Variants in OR5A2 observed in about 807,000 individuals in gnomAD.
OR5A2 encodes olfactory receptor 5A2.
For synonymous variants in OR5A2, 155 were observed against 151.1 expected (o/e 1.03, Z -0.19); for missense variants, 406 against 398.9 (o/e 1.02, Z -0.15).
At position 59,422,247 on chromosome 11, in the gene OR5A2, G is replaced by T. The variant is rs889614588; in HGVS notation, c.707C>A (p.Thr236Lys). Residue 236 changes from threonine to lysine, a missense_variant, in exon 2 of 2, where the codon ACA (threonine) becomes AAA (lysine). Physicochemically the swap from Thr to Lys is moderately conservative, Grantham distance 78. Coordinates refer to ENST00000302040, the MANE Select transcript of OR5A2 (RefSeq NM_001001954.2). ...AGAGGCACAAGTGCTGAAGGCCTTT[G>T]TCCTACCTGTAGCTGAGCTGATCTT... Reference protein sequence around the residue: ...VVKISSATGRTKAFSTCASHL... With the variant: ...VVKISSATGRKKAFSTCASHL... The T allele has an allele frequency of 5.0e-6, 8 of 1,614,012 alleles. No homozygotes were observed. The highest frequency in any genetic ancestry group is 1.3e-5 in the African/African-American group (1 of 74,908).
In OR5A2 at chr11:59,422,684, C is replaced by T; in HGVS notation, c.270G>A (p.Gln90=). The T allele has an allele frequency of 1.2e-6, 2 of 1,614,156 alleles. No individual in the cohort carries two copies. The highest frequency in any genetic ancestry group is 1.7e-6 in the Non-Finnish European group (2 of 1,180,014). The change falls in exon 2 of 2, where the codon CAG becomes CAA. Residue 90 remains glutamine (Q), a synonymous_variant. Coordinates refer to ENST00000302040, the MANE Select transcript of OR5A2 (RefSeq NM_001001954.2). ...CACAGCCAACAAAGGAAATGGTTTTCTGCTCTGTGATGATGTCAGACAGCA... is the reference window on the plus strand; with the variant it reads ...CACAGCCAACAAAGGAAATGGTTTTTTGCTCTGTGATGATGTCAGACAGCA... The part of the protein sequence containing the change: ...PKMLSDIITE[Q]KTISFVGCAT...
rs1858303183 is a variant in OR5A2 at position 59,426,284 on chromosome 11, T to A, written c.-205A>T. The stretch of plus-strand genomic sequence containing the variant: ...CCAGATCATCTGCATTTCCCACTGC[T>A]CCATGGCTGGTTTCTCGTTCCATCA... On this transcript the variant is annotated 5_prime_UTR_variant, in exon 1 of 2. Coordinates refer to ENST00000302040, the MANE Select transcript of OR5A2 (RefSeq NM_001001954.2). 6.6e-6 allele frequency: 1 copy of A among 152,264 alleles called. No homozygotes were observed. The highest frequency in any genetic ancestry group is 1.5e-5 in the Non-Finnish European group (1 of 68,040). The allele number at this position is 152,264 out of a possible 1,614,324, so 9.4% of individuals were successfully genotyped here. A position where few individuals can be genotyped will look rare whatever the true frequency, so the allele number is the denominator to read the frequency against.
rs1858208912 is a variant in OR5A2 at position 59,420,528 on chromosome 11, A to G, written c.*1451T>C. ...GTACTGACTCATTTAATTCTTCACA[A>G]TAGTCCTAGGATAAAATTACTATTA... On this transcript the variant is annotated 3_prime_UTR_variant, in exon 2 of 2. Coordinates refer to ENST00000302040, the MANE Select transcript of OR5A2 (RefSeq NM_001001954.2). 1 of 152,120 alleles carries G rather than the reference A, an allele frequency of 6.6e-6. No homozygotes were observed. Among genetic ancestry groups the G allele is most frequent in the Non-Finnish European group, 1.5e-5 (1 of 68,016 alleles). The allele number at this position is 152,120 out of a possible 1,614,324, so 9.4% of individuals were successfully genotyped here. A position where few individuals can be genotyped will look rare whatever the true frequency, so the allele number is the denominator to read the frequency against.
chr11:59,423,191 T>C, intron 1 of OR5A2, 147 bp from the exon 2 acceptor site: 1 of 451,666 alleles, frequency 2.2e-6, no homozygotes, highest in Non-Finnish European at 3.9e-6. Flanking sequence ...ATCCATCTAA[T>C]AATAAAGTAG....
intron 1 of OR5A2, 182 bp downstream of exon 1, chr11:59,425,989 T>C (rs1471252533): frequency 6.6e-6 from 1 of 152,330 alleles, no homozygotes; most frequent in African/African-American, 2.4e-5. Context: ...TTAGTACTTA[T>C]TGTGTGCGAG....
In OR5A2 at chr11:59,422,266, T is replaced by C. The variant is rs1300258242; in HGVS notation, c.688A>G (p.Ser230Gly). Residue 230 changes from serine to glycine, a missense_variant, in exon 2 of 2, where the codon AGC (serine) becomes GGC (glycine). Physicochemically the swap from Ser to Gly is moderately conservative, Grantham distance 56. Transcript: ENST00000302040. ...GYIVAAVVKI[S>G]SATGRTKAFS... is the part of the protein sequence containing the mutation. ...GCCTTTGTCCTACCTGTAGCTGAGC[T>C]GATCTTCACAACAGCAGCAACAATG... The C allele has an allele frequency of 6.2e-7, 1 of 1,614,122 alleles. No individual in the cohort carries two copies. The highest frequency in any genetic ancestry group is 8.5e-7 in the Non-Finnish European group (1 of 1,180,016).
Position 59,421,848 on chromosome 11 carries a change from G to A in OR5A2, c.*131C>T. ...CAAAATGTTTTCTAATAGCCAACAG[G>A]CAAACTATTAGTGAAATCTTAAGCA... On this transcript the variant is annotated 3_prime_UTR_variant, in exon 2 of 2. Transcript: ENST00000302040. 1.0e-6 allele frequency: 1 copy of A among 999,922 alleles called. No homozygotes were observed. The highest frequency in any genetic ancestry group is 1.5e-6 in the Non-Finnish European group (1 of 688,072). 61.9% of individuals were successfully genotyped at this position (999,922 alleles called of 1,614,324 possible). A position where few individuals can be genotyped will look rare whatever the true frequency, so the allele number is the denominator to read the frequency against.
At chr11:59,423,362 C>T (rs992146813) in intron 1 of OR5A2, 2 of 161,852 alleles carry the variant, frequency 1.2e-5, no homozygotes, top group Admixed American at 1.2e-4. Context: ...TTTGGGTTCC[C>T]TATGGCTTTT....
At position 59,417,409 on chromosome 11, in the gene OR5A2, A is replaced by T. The variant is rs1428935709; in HGVS notation, c.*4570T>A. ...GCAGTATTACATATAGGAGGTCTTA[A>T]CCAGCATAAGGGGAGAGAGAAACAC... is the stretch of plus-strand genomic sequence containing the variant. On this transcript the variant is annotated 3_prime_UTR_variant, in exon 2 of 2. Coordinates refer to ENST00000302040, the MANE Select transcript of OR5A2 (RefSeq NM_001001954.2). 1 of 152,198 alleles carries T rather than the reference A, an allele frequency of 6.6e-6. No homozygotes were observed. Among genetic ancestry groups the T allele is most frequent in the African/African-American group, 2.4e-5 (1 of 41,448 alleles). The allele number at this position is 152,198 out of a possible 1,614,324, so 9.4% of individuals were successfully genotyped here.
At position 59,420,381 on chromosome 11, in the gene OR5A2, C is replaced by G. The variant is rs1052436455; in HGVS notation, c.*1598G>C. 6.6e-6 allele frequency: 1 copy of G among 152,068 alleles called. No homozygotes were observed. Among genetic ancestry groups the G allele is most frequent in the Non-Finnish European group, 1.5e-5 (1 of 67,998 alleles). The allele number at this position is 152,068 out of a possible 1,614,324, so 9.4% of individuals were successfully genotyped here. A position where few individuals can be genotyped will look rare whatever the true frequency, so the allele number is the denominator to read the frequency against. ...TGCAAAAATTACATTTCCTACCAAACTAAGGAAATCTCTTCTATTTCTTCT... is the reference window on the plus strand; with the variant it reads ...TGCAAAAATTACATTTCCTACCAAAGTAAGGAAATCTCTTCTATTTCTTCT... On this transcript the variant is annotated 3_prime_UTR_variant, in exon 2 of 2. Coordinates refer to ENST00000302040, the MANE Select transcript of OR5A2 (RefSeq NM_001001954.2).
chr11:59,422,902 G>C lies in OR5A2; in HGVS notation c.52C>G (p.Leu18Val), dbSNP rs776723916. 1.9e-6 allele frequency: 3 copies of C among 1,614,006 alleles called. No individual in the cohort carries two copies. The African/African-American group carries it at 4.0e-5, about 22-fold the overall frequency. ...ATCTTCATTTGAGGATGGTCTGAAAGTCCCAGGAGAATGAATTTTGTCACA... is the reference window on the plus strand; with the variant it reads ...ATCTTCATTTGAGGATGGTCTGAAACTCCCAGGAGAATGAATTTTGTCACA... ...TIVTKFILLG[L>V]SDHPQMKIFL... The change falls in exon 2 of 2, where the codon CTT becomes GTT. Residue 18 changes from leucine (L) to valine (V), a missense_variant. Coordinates refer to ENST00000302040, the MANE Select transcript of OR5A2 (RefSeq NM_001001954.2).
rs764368597 is a variant in OR5A2, at chr11:59,417,918, T to A, written c.*4061A>T. On this transcript the variant is annotated 3_prime_UTR_variant, in exon 2 of 2. Coordinates refer to ENST00000302040, the MANE Select transcript of OR5A2 (RefSeq NM_001001954.2). Reference sequence around the variant, plus strand: ...TGGTGCATAGGACAACAACAAGGTGTCTACAAAACTCTAACACTTAAACCA... The same window carrying A: ...TGGTGCATAGGACAACAACAAGGTGACTACAAAACTCTAACACTTAAACCA... 3.3e-5 allele frequency: 5 copies of A among 152,054 alleles called. No individual in the cohort carries two copies. The highest frequency in any genetic ancestry group is 7.4e-5 in the Non-Finnish European group (5 of 67,976). The allele number at this position is 152,054 out of a possible 1,614,324, so 9.4% of individuals were successfully genotyped here. A position where few individuals can be genotyped will look rare whatever the true frequency, so the allele number is the denominator to read the frequency against.
Position 59,421,866 on chromosome 11 carries a change from C to T in OR5A2, c.*113G>A. On this transcript the variant is annotated 3_prime_UTR_variant, in exon 2 of 2. Coordinates refer to ENST00000302040, the MANE Select transcript of OR5A2 (RefSeq NM_001001954.2). ...CCAACAGGCAAACTATTAGTGAAATCTTAAGCAGGAGGGAAAAAAGCCTGA... is the reference window on the plus strand; with the variant it reads ...CCAACAGGCAAACTATTAGTGAAATTTTAAGCAGGAGGGAAAAAAGCCTGA... The T allele has an allele frequency of 1.7e-6, 2 of 1,202,878 alleles. No homozygotes were observed. Among genetic ancestry groups the T allele is most frequent in the Non-Finnish European group, 2.3e-6 (2 of 866,856 alleles). 74.5% of individuals were successfully genotyped at this position (1,202,878 alleles called of 1,614,324 possible).
rs371053203 is a variant in OR5A2, at chr11:59,420,832, GAGCGTATGCTTCTCTTTAGA to G, written c.*1127_*1146del. On this transcript the variant is annotated 3_prime_UTR_variant, in exon 2 of 2. Coordinates refer to ENST00000302040, the MANE Select transcript of OR5A2 (RefSeq NM_001001954.2). ...AAATAGAGAACTTTTCATCCCAAATGAGCGTATGCTTCTCTTTAGATTCCTAAGAAACTTTAATTGTCAGT... is the reference window on the plus strand; with the variant it reads ...AAATAGAGAACTTTTCATCCCAAATGTTCCTAAGAAACTTTAATTGTCAGT... The G allele has an allele frequency of 1.5e-4, 23 of 152,286 alleles. No individual in the cohort carries two copies. Among genetic ancestry groups the G allele is most frequent in the African/African-American group, 5.5e-4 (23 of 41,578 alleles). 9.4% of individuals were successfully genotyped at this position (152,286 alleles called of 1,614,324 possible).
chr11:59,422,249 C>T lies in OR5A2; in HGVS notation c.705G>A (p.Arg235=), dbSNP rs760552490. The T allele has an allele frequency of 4.6e-5, 74 of 1,614,112 alleles. No homozygotes were observed. The East Asian group carries it at 1.6e-3, about 35-fold the overall frequency. The stretch of plus-strand genomic sequence containing the variant: ...AGGCACAAGTGCTGAAGGCCTTTGT[C>T]CTACCTGTAGCTGAGCTGATCTTCA... ...AVVKISSATG[R]TKAFSTCASH... The change falls in exon 2 of 2, where the codon AGG becomes AGA. Residue 235 remains arginine (R), a synonymous_variant. Transcript: ENST00000302040.
intron 1 of OR5A2, chr11:59,425,768 C>G (rs1393309689): frequency 6.6e-6 from 1 of 152,194 alleles, no homozygotes; most frequent in Non-Finnish European, 1.5e-5. Context: ...GTACAAAGAA[C>G]AGGGCCTGGG....
rs779093836 is a variant in OR5A2, at chr11:59,422,315, T to G, written c.639A>C (p.Leu213=). The G allele has an allele frequency of 6.2e-7, 1 of 1,614,056 alleles. No homozygotes were observed. The highest frequency in any genetic ancestry group is 1.1e-5 in the South Asian group (1 of 91,072). ...TGTAACCATAAGAGATGAGGACCAC[T>G]AGCACAGACACTATTCCAACGACAA... ...VSVVVGIVSV[L]VVLISYGYIV... Residue 213 remains leucine, a synonymous_variant, in exon 2 of 2, where the codon CTA becomes CTC. Coordinates refer to ENST00000302040, the MANE Select transcript of OR5A2 (RefSeq NM_001001954.2).
At position 59,419,774 on chromosome 11, in the gene OR5A2, C is replaced by A. The variant is rs184816592; in HGVS notation, c.*2205G>T. The A allele has an allele frequency of 2.1e-4, 32 of 152,152 alleles. No homozygotes were observed. The highest frequency in any genetic ancestry group is 7.2e-4 in the African/African-American group (30 of 41,506). The allele number at this position is 152,152 out of a possible 1,614,324, so 9.4% of individuals were successfully genotyped here. On this transcript the variant is annotated 3_prime_UTR_variant, in exon 2 of 2. Coordinates refer to ENST00000302040, the MANE Select transcript of OR5A2 (RefSeq NM_001001954.2). ...AGGTTAAGGTAAAGGATTGTGGAGA[C>A]CAAGTTTTATTGTGCAGAAGAAGCT...
At chr11:59,425,511 T>C (rs983016746) in intron 1 of OR5A2, 2 of 152,146 alleles carry the variant, frequency 1.3e-5, no homozygotes, top group Non-Finnish European at 2.9e-5. Context: ...TGCAGCTAAT[T>C]TGTTAGTCCT....
Sources: allele counts gnomAD v4.1 joint callset, GRCh38; gene constraint gnomAD v4.1.1; transcripts MANE v1.5; gene names NCBI Gene and HGNC (gene_info 2026-07-23, HGNC 2026-07-21).